Variants in HTR3A observed in about 807,000 individuals in gnomAD.
The protein encoded by HTR3A is 5-hydroxytryptamine receptor 3A.
HTR3A carries 45 observed loss-of-function variants against 54.8 expected under a neutral mutation model. That is an observed-to-expected ratio of 0.82 (90% CI 0.65 to 1.05). The LOEUF (loss-of-function observed/expected upper bound fraction) is 1.05. Ranked by LOEUF, HTR3A falls within the 50% of genes least tolerant of loss-of-function variation. HTR3A has a pLI of 0.00. For missense variants in HTR3A, 657 were observed against 614.0 expected (o/e 1.07, Z -0.74); for synonymous variants, 297 against 256.0 (o/e 1.16, Z -1.53).
chr11:113,983,027 C>T, intron 4 of HTR3A, 93 bp from the exon 5 acceptor site: 2 of 1,478,720 alleles, frequency 1.4e-6, no homozygotes, highest in Non-Finnish European at 1.9e-6. Context: ...CCTCCCCGAA[C>T]TTCACTCCCT....
rs568712817 is a variant in HTR3A at position 113,990,042 on chromosome 11, G to A, written c.*279G>A. 51 of 608,370 alleles carry A rather than the reference G, an allele frequency of 8.4e-5. No homozygotes were observed. The highest frequency in any genetic ancestry group is 6.0e-4 in the Admixed American group (28 of 46,986). The allele number at this position is 608,370 out of a possible 1,614,324, so 37.7% of individuals were successfully genotyped here. ...TGCTGTCTTAGATCAGGAGAAACTC[G>A]GGCACTCCCTAAGTCCACTCTAGTT... On this transcript the variant is annotated 3_prime_UTR_variant, in exon 9 of 9. Transcript: ENST00000504030.
At position 113,986,929 on chromosome 11, in the gene HTR3A, G is replaced by A. The variant is rs761337819; in HGVS notation, c.1021G>A (p.Ala341Thr). Residue 341 changes from alanine to threonine, a missense_variant, in exon 8 of 9, where the codon GCT becomes ACT. By Grantham distance (58) the Ala-to-Thr change is moderately conservative (BLOSUM62 0). Coordinates refer to ENST00000504030, the MANE Select transcript of HTR3A (RefSeq NM_000869.6). ...GCAAGACCTGCAGCAGCCCGTGCCTGCTTGGCTGCGTCACCTGGTTCTGGA... is the reference window on the plus strand; with the variant it reads ...GCAAGACCTGCAGCAGCCCGTGCCTACTTGGCTGCGTCACCTGGTTCTGGA... ...HKQDLQQPVPAWLRHLVLERI... is the reference protein window; with the variant it reads ...HKQDLQQPVPTWLRHLVLERI... The A allele has an allele frequency of 6.2e-7, 1 of 1,614,196 alleles. No individual in the cohort carries two copies. The highest frequency in any genetic ancestry group is 1.3e-5 in the African/African-American group (1 of 75,054).
At chr11:113,977,194 T>C (rs1312339222) in intron 1 of HTR3A, among the ~76,000 whole-genome samples, 1 of 152,182 alleles carries the variant, frequency 6.6e-6, no homozygotes, top group African/African-American at 2.4e-5. Flanking sequence ...GGGGTGGCTT[T>C]TGCAGGATGT....
chr11:113,989,840 G>A lies in HTR3A; in HGVS notation c.*77G>A, dbSNP rs1344231878. On this transcript the variant is annotated 3_prime_UTR_variant, in exon 9 of 9. Coordinates refer to ENST00000504030, the MANE Select transcript of HTR3A (RefSeq NM_000869.6). This position sits in a 1 kb window ranked among gnomAD's most constrained non-coding sequence, Gnocchi z 4.4. ...GAGGATTTCTGCTTAGGCCCCTCAG[G>A]ACCCAGGGAATGCCAGGGACATTTT... The A allele has an allele frequency of 2.7e-6, 4 of 1,488,392 alleles. No homozygotes were observed. The highest frequency in any genetic ancestry group is 3.7e-6 in the Non-Finnish European group (4 of 1,079,000). 92.2% of individuals were successfully genotyped at this position (1,488,392 alleles called of 1,614,324 possible).
At chr11:113,977,167 G>T (rs1189947135) in intron 1 of HTR3A, among the ~76,000 whole-genome samples, 2 of 152,170 alleles carry the variant, frequency 1.3e-5, no homozygotes, top group African/African-American at 4.8e-5. Context: ...CCTGGGGCAG[G>T]GTGCGAGGAT....
rs776827131 is a variant in HTR3A, at chr11:113,975,293, C to G, written c.-33C>G. 4 of 1,611,902 alleles carry G rather than the reference C, an allele frequency of 2.5e-6. No individual in the cohort carries two copies. The African/African-American group carries it at 5.3e-5, about 22-fold the overall frequency. On this transcript the variant is annotated 5_prime_UTR_variant, in exon 1 of 9. Transcript: ENST00000504030. ...CCCTTGGTGGGCCTCGTCCTGAGCA[C>G]TCGGAGGCACTCCTATGCTTGGAAA...
intron 3 of HTR3A, chr11:113,980,934 G>C: frequency 2.1e-6 from 1 of 483,026 alleles, no homozygotes; most frequent in Non-Finnish European, 3.8e-6. Flanking sequence ...GCTGGCGGAG[G>C]GGGAACTCAC....
intron 5 of HTR3A, among the ~76,000 whole-genome samples, chr11:113,984,441 C>T (rs749937209): frequency 1.3e-5 from 2 of 151,994 alleles, no homozygotes; most frequent in Non-Finnish European, 2.9e-5. Flanking sequence ...CATAATGAGA[C>T]CCTATAAAAA....
At position 113,975,221 on chromosome 11, in the gene HTR3A, A is replaced by T. The variant is rs765680675; in HGVS notation, c.-105A>T. ...AGAAGGTGTGAGCAGTGGCCACGAGAGGCAGGCTGGCTGGGACATGAGGTT... is the reference window on the plus strand; with the variant it reads ...AGAAGGTGTGAGCAGTGGCCACGAGTGGCAGGCTGGCTGGGACATGAGGTT... On this transcript the variant is annotated 5_prime_UTR_variant, in exon 1 of 9. Coordinates refer to ENST00000504030, the MANE Select transcript of HTR3A (RefSeq NM_000869.6). 10 of 1,095,244 alleles carry T rather than the reference A, an allele frequency of 9.1e-6. No individual in the cohort carries two copies. In the East Asian group the frequency reaches 2.4e-4, roughly 27 times the overall value. The allele number at this position is 1,095,244 out of a possible 1,614,324, so 67.8% of individuals were successfully genotyped here.
In HTR3A at chr11:113,983,113, C is replaced by T. The variant is rs773623713; in HGVS notation, c.375-7C>T. The T allele has an allele frequency of 6.2e-7, 1 of 1,614,102 alleles. No homozygotes were observed. The highest frequency in any genetic ancestry group is 1.3e-5 in the African/African-American group (1 of 74,942). ...AGCTCCCAAACTAACCCCTTTTCCC[C>T]CGCCAGCGTGGATGTGGGGAAGTCT... On this transcript the variant is annotated splice_polypyrimidine_tract_variant and splice_region_variant and intron_variant, in intron 4 of 8. Transcript: ENST00000504030.
chr11:113,980,952 G>T, intron 3 of HTR3A: 3 of 509,490 alleles, frequency 5.9e-6, no homozygotes, highest in South Asian at 4.3e-5. Flanking sequence ...CACAGCATTC[G>T]AAATGACTGA....
rs1294676728 is a variant in HTR3A, at chr11:113,987,037, G to A, written c.1129G>A (p.Asp377Asn). The change falls in exon 8 of 9, where the codon GAC becomes AAC. Residue 377 changes from aspartate to asparagine, a missense_variant. Coordinates refer to ENST00000504030, the MANE Select transcript of HTR3A (RefSeq NM_000869.6). The part of the protein sequence containing the change: ...PATSQATKTD[D>N]CSAMGNHCSH... ...CACCTCCCAAGCCACCAAGACTGAT[G>A]ACTGCTCAGGTGAGAAACAGAAGGG... 26 of 1,613,504 alleles carry A rather than the reference G, an allele frequency of 1.6e-5. No individual in the cohort carries two copies. The highest frequency in any genetic ancestry group is 2.2e-5 in the Non-Finnish European group (26 of 1,179,994).
In HTR3A at chr11:113,977,920, G is replaced by A. The variant is rs534954554; in HGVS notation, c.217G>A (p.Val73Met). Reference protein sequence around the residue: ...IDVIVYAILNVDEKNQVLTTY... With the variant: ...IDVIVYAILNMDEKNQVLTTY... ...CGTCATTGTCTATGCCATCCTCAAC[G>A]TGGTGAGGCTCAGCCCCGAGCTGCA... is the stretch of plus-strand genomic sequence containing the variant. Residue 73 changes from valine (V) to methionine (M), a missense_variant and splice_region_variant, in exon 2 of 9, where the codon GTG becomes ATG. Val to Met is a conservative substitution (Grantham distance 21, BLOSUM62 1). Coordinates refer to ENST00000504030, the MANE Select transcript of HTR3A (RefSeq NM_000869.6). 1.4e-5 allele frequency: 22 copies of A among 1,614,200 alleles called. No homozygotes were observed. Among genetic ancestry groups the A allele is most frequent in the East Asian group, 4.5e-5 (2 of 44,888 alleles).
intron 5 of HTR3A, 50 bp from the exon 6 acceptor site, chr11:113,985,965 C>A: frequency 6.2e-7 from 1 of 1,606,538 alleles, no homozygotes; most frequent in South Asian, 1.1e-5. Context: ...CAGGGTCCAG[C>A]AGGCTCTGGG....
chr11:113,981,355 A>G (rs2137574896), intron 4 of HTR3A, 43 bp downstream of exon 4: 1 of 1,198,804 alleles, frequency 8.3e-7, no homozygotes, highest in Non-Finnish European at 1.2e-6. Context: ...GTGGCTTAGG[A>G]GCTGGAGAAG....
intron 1 of HTR3A, chr11:113,977,470 CT>C: frequency 6.6e-7 from 1 of 1,514,530 alleles, no homozygotes; most frequent in Non-Finnish European, 8.9e-7. Flanking sequence ...CTGCTCCGAC[CT>C]TCTTAGCCCT....
intron 3 of HTR3A, 75 bp downstream of exon 3, chr11:113,979,352 G>A: frequency 8.1e-7 from 1 of 1,230,640 alleles, no homozygotes; most frequent in South Asian, 1.2e-5. Flanking sequence ...GAGTTTCAGT[G>A]GCCTTGGCGA....
chr11:113,978,005 G>T (rs1156433867), intron 2 of HTR3A, 83 bp downstream of exon 2: 28 of 1,513,470 alleles, frequency 1.9e-5, no homozygotes, highest in South Asian at 3.4e-5. Context: ...CCCCTATGCA[G>T]CTTGTTAGGC....
At chr11:113,986,264 C>G in intron 6 of HTR3A, 89 bp downstream of exon 6, 1 of 1,516,406 alleles carries the variant, frequency 6.6e-7, no homozygotes. Context: ...CTTCTATAGC[C>G]TTTTTCCAAC....
Sources: allele counts gnomAD v4.1 joint callset (sites outside exome capture counted in the v4.1 genomes callset), GRCh38; gene constraint gnomAD v4.1.1; non-coding constraint Gnocchi (gnomAD v3.1); transcripts MANE v1.5; gene names NCBI Gene and HGNC (gene_info 2026-07-23, HGNC 2026-07-21).